The following ARHGEF9 variants were observed in gnomAD, a reference collection of about 807,000 sequenced individuals.
ARHGEF9 encodes Cdc42 guanine nucleotide exchange factor 9.
Under a neutral mutation model 41.3 loss-of-function variants are expected in ARHGEF9, and 2 were observed. The ratio of observed to expected loss-of-function variants is 0.05; its 90% CI spans 0.02 to 0.15. The LOEUF (loss-of-function observed/expected upper bound fraction) is 0.15, where lower values mean the gene tolerates loss of function less well. Ranked by LOEUF, ARHGEF9 falls within the 10% of genes least tolerant of loss-of-function variation. The pLI, the probability that ARHGEF9 is intolerant of heterozygous loss-of-function variation, is 1.00. For missense variants in ARHGEF9, 225 were observed against 424.7 expected (o/e 0.53, Z 4.13); for synonymous variants, 160 against 154.4 (o/e 1.04, Z -0.27).
intron 1 of ARHGEF9, among the ~76,000 whole-genome samples, chrX:63,770,317 C>T (rs141424397): frequency 3.0e-3 from 340 of 112,541 alleles, no homozygotes; most frequent in African/African-American, 1.0e-2. Flanking sequence ...TTAATTGCTC[C>T]GCTGTATTTG....
intron 1 of ARHGEF9, among the ~76,000 whole-genome samples, chrX:63,735,539 A>C (rs2054562243): frequency 8.9e-6 from 1 of 111,845 alleles, no homozygotes; most frequent in Admixed American, 9.5e-5. Context: ...AGCTGAAGGT[A>C]GCGGGAGGAG....
At chrX:63,649,927 G>A (rs1236509949) in intron 8 of ARHGEF9, among the ~76,000 whole-genome samples, 2 of 111,641 alleles carry the variant, frequency 1.8e-5, no homozygotes, top group African/African-American at 6.5e-5. Context: ...AACAAAGTAA[G>A]TATTCAGTCA....
At chrX:63,724,904 C>T (rs2053866210) in intron 1 of ARHGEF9, 193 bp from the exon 2 acceptor site, 2 of 458,623 alleles carry the variant, frequency 4.4e-6, no homozygotes, top group South Asian at 6.4e-5. Flanking sequence ...TCTCTGTTAG[C>T]CAGTGCATGG....
chrX:63,683,040 C>A (rs2050753173), intron 4 of ARHGEF9, among the ~76,000 whole-genome samples: 1 of 110,023 alleles, frequency 9.1e-6, no homozygotes, highest in African/African-American at 3.3e-5. Context: ...CAGAAGTAAA[C>A]TAGCCCTATT....
intron 1 of ARHGEF9, among the ~76,000 whole-genome samples, chrX:63,781,388 C>T (rs1246244445): frequency 9.0e-6 from 1 of 111,178 alleles, no homozygotes; most frequent in Non-Finnish European, 1.9e-5. Flanking sequence ...TATTGGTAAT[C>T]CACATAGAAC....
chrX:63,646,980 C>G (rs1433992748), intron 8 of ARHGEF9, among the ~76,000 whole-genome samples: 1 of 111,086 alleles, frequency 9.0e-6, no homozygotes, highest in Admixed American at 9.6e-5. Context: ...GTATTTTATT[C>G]TCTTTGAAGC....
At chrX:63,750,153 C>T (rs1406391209) in intron 1 of ARHGEF9, among the ~76,000 whole-genome samples, 4 of 111,951 alleles carry the variant, frequency 3.6e-5, no homozygotes, top group Non-Finnish European at 7.5e-5. Flanking sequence ...TTCTTATATC[C>T]CTGCCCAGAG....
At chrX:63,653,816 A>C (rs1323506622) in intron 8 of ARHGEF9, among the ~76,000 whole-genome samples, 1 of 110,975 alleles carries the variant, frequency 9.0e-6, no homozygotes, top group African/African-American at 3.3e-5. Context: ...TAAAAAGTAA[A>C]AGTTTAAAAA....
intron 1 of ARHGEF9, among the ~76,000 whole-genome samples, chrX:63,731,552 G>GTTTT (rs1165184937): frequency 1.1e-4 from 8 of 75,859 alleles, no homozygotes; most frequent in African/African-American, 3.0e-4. Flanking sequence ...CCCTGTCTCA[G>GTTTT]TTTTTTTTTT....
chrX:63,659,875 T>G (rs1304868485), intron 7 of ARHGEF9, among the ~76,000 whole-genome samples: 1 of 111,825 alleles, frequency 8.9e-6, no homozygotes, highest in African/African-American at 3.3e-5. Flanking sequence ...CCCCATCTGA[T>G]GAGGAACTAT....
chrX:63,691,067 C>T (rs2051314768), intron 4 of ARHGEF9, among the ~76,000 whole-genome samples: 1 of 111,794 alleles, frequency 8.9e-6, no homozygotes, highest in Non-Finnish European at 1.9e-5. Context: ...CCTCCAAGAT[C>T]TAGACCAAGA....
chrX:63,659,315 C>A (rs146859940), intron 7 of ARHGEF9, among the ~76,000 whole-genome samples: 160 of 112,178 alleles, frequency 1.4e-3, no homozygotes, highest in African/African-American at 5.1e-3. Context: ...TAATGGTAGT[C>A]TGAGTGCCTT....
At chrX:63,737,060 A>G (rs1480430060) in intron 1 of ARHGEF9, 1 of 111,622 alleles carries the variant, frequency 9.0e-6, no homozygotes. Flanking sequence ...TCATCCCTTC[A>G]GTACTAAAAC....
chrX:63,779,660 G>A (rs1390559185), intron 1 of ARHGEF9, among the ~76,000 whole-genome samples: 6 of 111,677 alleles, frequency 5.4e-5, no homozygotes, highest in Admixed American at 9.5e-5. Flanking sequence ...AAGCATAGGA[G>A]GACTAGGATA....
intron 9 of ARHGEF9, chrX:63,639,446 C>G (rs2047486687): frequency 9.0e-6 from 1 of 111,727 alleles, no homozygotes; most frequent in African/African-American, 3.3e-5. Flanking sequence ...CCTGTGTACT[C>G]TTTACCCAGT....
chrX:63,727,916 G>A (rs1556418062), intron 1 of ARHGEF9, among the ~76,000 whole-genome samples: 2 of 112,162 alleles, frequency 1.8e-5, no homozygotes, highest in Admixed American at 1.9e-4. Flanking sequence ...TAGAGGCACA[G>A]TCTGGCTCTA....
rs782060332 is a variant in ARHGEF9, at chrX:63,782,851, C to A, written c.30+2265G>T. 1.9e-3 allele frequency among the ~76,000 whole-genome samples: 210 copies of A among 112,599 alleles called. 1 individual carries two copies. Among genetic ancestry groups the A allele is most frequent in the African/African-American group, 6.0e-3 (187 of 31,005 alleles). On this transcript the variant is annotated intron_variant, in intron 1 of 9. Coordinates refer to ENST00000671741, the MANE Select transcript of ARHGEF9 (RefSeq NM_001353921.2). ...GAATTTTGGTGCTTATTAACATCCGCATTTAATAGGTAAGAAATCTGAGGC... is the reference window on the plus strand; with the variant it reads ...GAATTTTGGTGCTTATTAACATCCGAATTTAATAGGTAAGAAATCTGAGGC...
intron 4 of ARHGEF9, among the ~76,000 whole-genome samples, chrX:63,694,136 T>G (rs1168387822): frequency 9.2e-6 from 1 of 108,786 alleles, no homozygotes; most frequent in African/African-American, 3.4e-5. Flanking sequence ...CAAGCCAAGA[T>G]TGCACCACTG....
intron 5 of ARHGEF9, among the ~76,000 whole-genome samples, chrX:63,676,807 T>C (rs1556362725): frequency 5.3e-5 from 6 of 112,605 alleles, no homozygotes. Context: ...TTAATCAAAA[T>C]TAAGTAAAAT....
Sources: allele counts gnomAD v4.1 joint callset (sites outside exome capture counted in the v4.1 genomes callset), GRCh38; gene constraint gnomAD v4.1.1; transcripts MANE v1.5; gene names NCBI Gene and HGNC (gene_info 2026-07-23, HGNC 2026-07-21).